Variants in BBS9 observed in about 807,000 individuals in gnomAD.
BBS9 encodes Bardet-Biedl syndrome 9, also known as protein PTHB1.
BBS9 carries 89 observed loss-of-function variants against 117.7 expected under a neutral mutation model. The observed-to-expected ratio is 0.76, with a 90% CI of 0.64 to 0.90. BBS9 has a LOEUF of 0.90. BBS9 is among the 40% of genes least tolerant of loss of function. The probability of loss-of-function intolerance (pLI) is 0.00; values close to 1 mark genes in which losing one functional copy is unlikely to be tolerated. For missense variants in BBS9, 982 were observed against 1,042.2 expected, an observed-to-expected ratio of 0.94 and a Z score of 0.80; for synonymous variants, 379 against 370.9, an observed-to-expected ratio of 1.02 and a Z score of -0.25.
In BBS9 at chr7:33,534,010, G is replaced by A. The variant is rs1403362656; in HGVS notation, c.2355G>A (p.Ser785=). 9.3e-6 allele frequency: 15 copies of A among 1,614,058 alleles called. No homozygotes were observed. The highest frequency in any genetic ancestry group is 6.7e-5 in the African/African-American group (5 of 74,924). ...CCCACCTGTTGAAGACTTGCCTGTC[G>A]AAGAGTTCTAAGGAGCAGGCTTTGA... ...AISHLLKTCL[S]KSSKEQALNL... is the part of the protein sequence containing the mutation. The change falls in exon 21 of 23, where the codon TCG becomes TCA. Residue 785 remains serine, a synonymous_variant. Transcript: ENST00000242067.
At chr7:33,254,754 T>C (rs1796758336) in intron 5 of BBS9, among the ~76,000 whole-genome samples, 1 of 152,184 alleles carries the variant, frequency 6.6e-6, no homozygotes, top group Non-Finnish European at 1.5e-5. Context: ...AGTGAGATCA[T>C]GTAGTGTTTG....
In BBS9 at chr7:33,355,681, T is replaced by C. The variant is rs201938191; in HGVS notation, c.1553-2174T>C. Among the ~76,000 whole-genome samples, 42 of 152,090 alleles carry C rather than the reference T, an allele frequency of 2.8e-4. No individual in the cohort carries two copies. The East Asian group carries it at 8.1e-3, about 29-fold the overall frequency. Reference sequence around the variant, plus strand: ...AAACCATTGCCCTAGTGTGTGATATTGTCATTAACTGACCTAACTGAACTG... The same window carrying C: ...AAACCATTGCCCTAGTGTGTGATATCGTCATTAACTGACCTAACTGAACTG... On this transcript the variant is annotated intron_variant, in intron 15 of 22. Coordinates refer to ENST00000242067, the MANE Select transcript of BBS9 (RefSeq NM_198428.3).
intron 20 of BBS9, among the ~76,000 whole-genome samples, chr7:33,513,698 A>G (rs1847306003): frequency 6.6e-6 from 1 of 152,190 alleles, no homozygotes; most frequent in South Asian, 2.1e-4. Flanking sequence ...TCAAACCACC[A>G]TAAATAAATA....
chr7:33,547,066 C>A (rs1045627013), intron 21 of BBS9, among the ~76,000 whole-genome samples: 1 of 151,952 alleles, frequency 6.6e-6, no homozygotes, highest in Non-Finnish European at 1.5e-5. Flanking sequence ...TGGGAAGATG[C>A]AAAAATAATA....
chr7:33,495,462 A>G (rs1175760367), intron 19 of BBS9, among the ~76,000 whole-genome samples: 2 of 152,202 alleles, frequency 1.3e-5, no homozygotes, highest in African/African-American at 4.8e-5. Context: ...TTCAGATCAG[A>G]CCTTGTAGAT....
At chr7:33,142,122 C>T (rs889739846) in intron 1 of BBS9, among the ~76,000 whole-genome samples, 1 of 152,000 alleles carries the variant, frequency 6.6e-6, no homozygotes, top group Non-Finnish European at 1.5e-5. Context: ...GGGGTTTCAC[C>T]GTGTTAGCCA....
At chr7:33,553,059 A>G (rs1030494205) in intron 21 of BBS9, among the ~76,000 whole-genome samples, 1 of 152,022 alleles carries the variant, frequency 6.6e-6, no homozygotes, top group African/African-American at 2.4e-5. Flanking sequence ...TCCTCTATCC[A>G]TTCCCAAACA....
At chr7:33,155,978 G>A (rs1794042962) in intron 4 of BBS9, among the ~76,000 whole-genome samples, 1 of 152,168 alleles carries the variant, frequency 6.6e-6, no homozygotes, top group African/African-American at 2.4e-5. Context: ...GGGATTGCCT[G>A]TGACTAATAG....
intron 5 of BBS9, among the ~76,000 whole-genome samples, chr7:33,206,667 C>T (rs759660623): frequency 4.6e-5 from 7 of 152,078 alleles, no homozygotes; most frequent in East Asian, 1.9e-4. Context: ...TATATAACCA[C>T]AGTACAGTTA....
In BBS9 at chr7:33,425,966, A is replaced by G. The variant is rs571065392; in HGVS notation, c.2115+37822A>G. Among the ~76,000 whole-genome samples the G allele has an allele frequency of 2.6e-5, 4 of 152,360 alleles. No individual in the cohort carries two copies. The South Asian group carries it at 8.3e-4, about 32-fold the overall frequency. On this transcript the variant is annotated intron_variant, in intron 19 of 22. Transcript: ENST00000242067. ...TGTGGATCTAATTTTTTACATTAAA[A>G]TAAAACCAAAAGGAAGGCTGACTTT... is the stretch of plus-strand genomic sequence containing the variant.
At chr7:33,409,330 A>G (rs1042237818) in intron 19 of BBS9, among the ~76,000 whole-genome samples, 1 of 152,134 alleles carries the variant, frequency 6.6e-6, no homozygotes, top group Admixed American at 6.5e-5. Flanking sequence ...AGTTAATTTT[A>G]TTACATGATG....
intron 21 of BBS9, among the ~76,000 whole-genome samples, chr7:33,582,780 T>C (rs1035731538): frequency 6.6e-6 from 1 of 152,162 alleles, no homozygotes; most frequent in African/African-American, 2.4e-5. Flanking sequence ...TGAAAGACTT[T>C]TCTTAATTTA....
intron 15 of BBS9, among the ~76,000 whole-genome samples, chr7:33,355,509 T>A (rs536635226): frequency 5.9e-5 from 9 of 152,098 alleles, no homozygotes; most frequent in Admixed American, 2.6e-4. Context: ...CAAGCTGCCA[T>A]CATTTAAAAA....
intron 15 of BBS9, among the ~76,000 whole-genome samples, chr7:33,357,411 TGAGTAGAGA>T (rs1819798618): frequency 6.6e-6 from 1 of 151,768 alleles, no homozygotes; most frequent in Admixed American, 6.6e-5. Context: ...AAAATGTTTT[TGAGTAGAGA>T]AATTTTTAGA....
intron 6 of BBS9, among the ~76,000 whole-genome samples, chr7:33,263,906 A>G (rs1798369853): frequency 6.6e-6 from 1 of 152,056 alleles, no homozygotes; most frequent in South Asian, 2.1e-4. Context: ...TCCATAGATT[A>G]TGTATTGATA....
chr7:33,421,949 A>C (rs75913302), intron 19 of BBS9, among the ~76,000 whole-genome samples: 4,300 of 152,282 alleles, frequency 0.028, 205 homozygotes, highest in African/African-American at 0.098. Context: ...AGAAAAGGGA[A>C]GGGAATAAAA....
At chr7:33,199,762 G>A (rs1785534114) in intron 5 of BBS9, among the ~76,000 whole-genome samples, 2 of 151,468 alleles carry the variant, frequency 1.3e-5, no homozygotes, top group Non-Finnish European at 3.0e-5. Context: ...GAAAAATAAG[G>A]ATGAAGTTTT....
At chr7:33,314,508 A>G (rs113110294) in intron 9 of BBS9, 6,261 of 184,580 alleles carry the variant, frequency 0.034, 444 homozygotes, top group African/African-American at 0.14. Context: ...AGTTGGTTAT[A>G]TTTTATGTTG....
chr7:33,509,112 C>T (rs1480537752), intron 20 of BBS9, among the ~76,000 whole-genome samples: 1 of 152,116 alleles, frequency 6.6e-6, no homozygotes, highest in Non-Finnish European at 1.5e-5. Flanking sequence ...TGAGACAAAA[C>T]ATTTGATAAA....
Sources: gnomAD v4.1 joint callset for allele counts (sites outside exome capture counted in the v4.1 genomes callset) on GRCh38, gnomAD v4.1.1 for gene constraint, MANE v1.5 for transcripts, NCBI Gene and HGNC (gene_info 2026-07-23, HGNC 2026-07-21) for gene names.